Variants in CNTNAP5 observed in about 807,000 individuals in gnomAD.
CNTNAP5 encodes contactin-associated protein-like 5.
CNTNAP5 carries 72 observed loss-of-function variants against 150.2 expected under a neutral mutation model. The ratio of observed to expected loss-of-function variants is 0.48; its 90% CI spans 0.40 to 0.58. The LOEUF is 0.58. Among genes scored for constraint, CNTNAP5 ranks in the 20% least tolerant of loss-of-function variants. The probability of loss-of-function intolerance (pLI) is 0.00; values close to 1 mark genes in which losing one functional copy is unlikely to be tolerated. For missense variants in CNTNAP5, 1,636 were observed against 1,626.2 expected, an observed-to-expected ratio of 1.01 and a Z score of -0.10; for synonymous variants, 672 against 619.8, an observed-to-expected ratio of 1.08 and a Z score of -1.25.
In CNTNAP5 at chr2:124,747,272, G is replaced by A. The variant is rs369688023; in HGVS notation, c.2121G>A (p.Arg707=). ...GGTGGATTGGGCGGTCCAATGAAAGGCACCCTTACTGGGGAGGTTCCCCTC... is the reference window on the plus strand; with the variant it reads ...GGTGGATTGGGCGGTCCAATGAAAGACACCCTTACTGGGGAGGTTCCCCTC... The part of the protein sequence containing the change: ...FTWWIGRSNE[R]HPYWGGSPPG... Residue 707 remains arginine (R), a synonymous_variant, in exon 14 of 24, where the codon AGG becomes AGA. Transcript: ENST00000682447. 2.4e-5 allele frequency: 38 copies of A among 1,613,570 alleles called. No individual in the cohort carries two copies. The African/African-American group carries it at 2.9e-4, about 12-fold the overall frequency.
At chr2:124,122,467 T>C (rs1206013648) in intron 1 of CNTNAP5, among the ~76,000 whole-genome samples, 2 of 152,202 alleles carry the variant, frequency 1.3e-5, no homozygotes, top group East Asian at 3.9e-4. Flanking sequence ...CTAAGATAAA[T>C]CCAGGCCCAA....
At chr2:124,562,724 T>G (rs1695922162) in intron 10 of CNTNAP5, among the ~76,000 whole-genome samples, 1 of 152,186 alleles carries the variant, frequency 6.6e-6, no homozygotes, top group Non-Finnish European at 1.5e-5. Flanking sequence ...GATGAACAAA[T>G]ATCATCTTTT....
At chr2:124,446,607 C>T in intron 5 of CNTNAP5, 146 bp from the exon 6 acceptor site, 1 of 690,800 alleles carries the variant, frequency 1.4e-6, no homozygotes, top group South Asian at 2.4e-5. Flanking sequence ...TTATTCCTTC[C>T]CAGGTCCAGC....
chr2:124,158,893 A>G (rs1479999403), intron 1 of CNTNAP5, among the ~76,000 whole-genome samples: 4 of 152,200 alleles, frequency 2.6e-5, no homozygotes, highest in Non-Finnish European at 1.5e-5. Flanking sequence ...GCTGGTGGCC[A>G]GTGGAGTGCT....
At chr2:124,362,006 T>C (rs1425737334) in intron 3 of CNTNAP5, among the ~76,000 whole-genome samples, 1 of 152,222 alleles carries the variant, frequency 6.6e-6, no homozygotes. Flanking sequence ...GGATATAATC[T>C]TGTGGTGCGC....
intron 4 of CNTNAP5, among the ~76,000 whole-genome samples, chr2:124,419,163 A>AAAAAAAAAAAAAAAC (rs1692017234): frequency 7.6e-6 from 1 of 131,292 alleles, no homozygotes; most frequent in Non-Finnish European, 1.6e-5. Flanking sequence ...AAAAAAAAAA[A>AAAAAAAAAAAAAAAC]CAGTATGAAG....
At chr2:124,877,283 C>T (rs911561769) in intron 21 of CNTNAP5, among the ~76,000 whole-genome samples, 1 of 152,056 alleles carries the variant, frequency 6.6e-6, no homozygotes, top group Non-Finnish European at 1.5e-5. Context: ...CCTTGAGTTA[C>T]TCATTTTATA....
chr2:124,284,002 T>C (rs1375722742), intron 3 of CNTNAP5, among the ~76,000 whole-genome samples: 1 of 152,202 alleles, frequency 6.6e-6, no homozygotes, highest in Non-Finnish European at 1.5e-5. Flanking sequence ...CAGGGGCTTT[T>C]CCTCTTAGCC....
chr2:124,498,598 G>A (rs773463568), intron 7 of CNTNAP5, among the ~76,000 whole-genome samples: 10 of 152,054 alleles, frequency 6.6e-5, no homozygotes, highest in Non-Finnish European at 1.3e-4. Flanking sequence ...TACCACGCTT[G>A]GCCTTCTTAT....
rs1558966072 is a variant in CNTNAP5, at chr2:124,588,184, CTTTCTTTCTTTCTTTCT to C, written c.1757-21614_1757-21598del. On this transcript the variant is annotated intron_variant, in intron 11 of 23. Coordinates refer to ENST00000682447, the MANE Select transcript of CNTNAP5 (RefSeq NM_001367498.1). ...TCCTTCCTTCCTTCCTTCCTTCTTT[CTTTCTTTCTTTCTTTCT>C]TTCTTTCTTTCTTTCTTTCTTTCTT... Among the ~76,000 whole-genome samples, 538 of 115,184 alleles carry C rather than the reference CTTTCTTTCTTTCTTTCT, an allele frequency of 4.7e-3. 8 individuals carry two copies. Among genetic ancestry groups the C allele is most frequent in the Non-Finnish European group, 6.3e-3 (352 of 55,864 alleles). 75.6% of individuals were successfully genotyped at this position (115,184 alleles called of 152,430 possible). A position where few individuals can be genotyped will look rare whatever the true frequency, so the allele number is the denominator to read the frequency against.
chr2:124,624,921 T>G (rs1677687720), intron 12 of CNTNAP5, among the ~76,000 whole-genome samples: 1 of 152,178 alleles, frequency 6.6e-6, no homozygotes, highest in African/African-American at 2.4e-5. Context: ...AAGATGTTAT[T>G]TGATTTTCTT....
intron 13 of CNTNAP5, among the ~76,000 whole-genome samples, chr2:124,730,066 T>C (rs1006696639): frequency 2.0e-5 from 3 of 152,118 alleles, no homozygotes; most frequent in Non-Finnish European, 4.4e-5. Flanking sequence ...TATCATGTTA[T>C]TTCCAATCAC....
At chr2:124,835,558 C>T (rs1355866590) in intron 19 of CNTNAP5, among the ~76,000 whole-genome samples, 2 of 152,020 alleles carry the variant, frequency 1.3e-5, no homozygotes, top group Non-Finnish European at 2.9e-5. Flanking sequence ...GAGAGTTTGA[C>T]GTGGTATTAA....
At chr2:124,139,987 G>A (rs1022130992) in intron 1 of CNTNAP5, among the ~76,000 whole-genome samples, 1 of 152,212 alleles carries the variant, frequency 6.6e-6, no homozygotes, top group Non-Finnish European at 1.5e-5. Flanking sequence ...GAAGCGCAAG[G>A]GGTCAGGGAG....
intron 1 of CNTNAP5, among the ~76,000 whole-genome samples, chr2:124,145,647 G>T (rs1202324735): frequency 1.5e-5 from 1 of 66,922 alleles, no homozygotes; most frequent in Non-Finnish European, 2.8e-5. Context: ...ACTGTGGTGG[G>T]GTCGGGGGAG....
At position 124,919,781 on chromosome 2, in the gene CNTNAP5, A is replaced by G. The variant is rs988417847; in HGVS notation, c.*5493A>G. ...TTCAATTTTTAAATTTTTTTTCAGG[A>G]TTTTCTCAGAGTGCTTTAGAACTAT... is the stretch of plus-strand genomic sequence containing the variant. On this transcript the variant is annotated 3_prime_UTR_variant, in exon 24 of 24. Coordinates refer to ENST00000682447, the MANE Select transcript of CNTNAP5 (RefSeq NM_001367498.1). Among the ~76,000 whole-genome samples the G allele has an allele frequency of 4.7e-5, 7 of 150,338 alleles. No homozygotes were observed. In the South Asian group the frequency reaches 1.5e-3, roughly 32 times the overall value.
intron 13 of CNTNAP5, among the ~76,000 whole-genome samples, chr2:124,665,374 T>G (rs1678676614): frequency 6.6e-6 from 1 of 152,226 alleles, no homozygotes; most frequent in South Asian, 2.1e-4. Context: ...AATATTTGGT[T>G]AACGTCAAAA....
chr2:124,411,155 A>C (rs928746659), intron 3 of CNTNAP5, among the ~76,000 whole-genome samples: 1 of 152,214 alleles, frequency 6.6e-6, no homozygotes, highest in Non-Finnish European at 1.5e-5. Context: ...TCCTGGACAC[A>C]TACACTCTCC....
At chr2:124,350,284 TAGAA>T (rs1034577700) in intron 3 of CNTNAP5, among the ~76,000 whole-genome samples, 2 of 152,112 alleles carry the variant, frequency 1.3e-5, no homozygotes, top group African/African-American at 4.8e-5. Flanking sequence ...GTAAATTTGT[TAGAA>T]AGAGAGACTC....
Sources: gnomAD v4.1 joint callset for allele counts (sites outside exome capture counted in the v4.1 genomes callset) on GRCh38, gnomAD v4.1.1 for gene constraint, MANE v1.5 for transcripts, NCBI Gene and HGNC (gene_info 2026-07-23, HGNC 2026-07-21) for gene names.